ARHGEF7: variants seen among roughly 807,000 people sequenced by gnomAD.
ARHGEF7 encodes PAK-interacting exchange factor beta.
In ARHGEF7, 33 loss-of-function variants were observed where a neutral mutation model predicts 109.8. That is an observed-to-expected ratio of 0.30 (90% CI 0.23 to 0.40). ARHGEF7 has a LOEUF of 0.40. Among genes scored for constraint, ARHGEF7 ranks in the 10% least tolerant of loss-of-function variants. ARHGEF7 has a pLI of 1.00. For synonymous variants in ARHGEF7, 458 were observed against 424.6 expected (o/e 1.08, Z -0.97); for missense variants, 938 against 1,098.5 (o/e 0.85, Z 2.07).
Position 111,275,611 on chromosome 13 carries a change from A to G in ARHGEF7, c.1352A>G (p.Asp451Gly). ...GAAGCCATCCGGAACTGGGAGGGCG[A>G]TGACATTAAAACTCTGGGCAACGTC... is the stretch of plus-strand genomic sequence containing the variant. ...LTEAIRNWEG[D>G]DIKTLGNVTY... The change falls in exon 12 of 22, where the codon GAT (aspartate) becomes GGT (glycine). Residue 451 changes from aspartate (D) to glycine (G), a missense_variant. By Grantham distance (94) the Asp-to-Gly change is moderately conservative. Transcript: ENST00000646102. 1 of 1,614,214 alleles carries G rather than the reference A, an allele frequency of 6.2e-7. No homozygotes were observed. Among genetic ancestry groups the G allele is most frequent in the Non-Finnish European group, 8.5e-7 (1 of 1,180,040 alleles).
intron 8 of ARHGEF7, among the ~76,000 whole-genome samples, chr13:111,264,574 C>T (rs1318182548): frequency 1.3e-5 from 2 of 152,084 alleles, no homozygotes; most frequent in East Asian, 3.9e-4. Context: ...ATTCCCAGTC[C>T]GTGCAGGTAA....
intron 19 of ARHGEF7, chr13:111,293,512 A>G: frequency 1.0e-6 from 1 of 984,946 alleles, no homozygotes; most frequent in African/African-American, 1.7e-5. Context: ...ACTCAGACCA[A>G]TTTCTGCTTC....
rs1402627825 is a variant in ARHGEF7, at chr13:111,225,495, A to T, written c.670+7615A>T. Among the ~76,000 whole-genome samples, 5 of 146,832 alleles carry T rather than the reference A, an allele frequency of 3.4e-5. No homozygotes were observed. In the East Asian group the frequency reaches 9.9e-4, roughly 29 times the overall value. On this transcript the variant is annotated intron_variant, in intron 5 of 21. Coordinates refer to ENST00000646102, the MANE Select transcript of ARHGEF7 (RefSeq NM_001354046.2). Reference sequence around the variant, plus strand: ...TATAGGGCGTATCTCACTTTATTGCACTTTGCTTGTTTTTTTGTTTTTTTT... The same window carrying T: ...TATAGGGCGTATCTCACTTTATTGCTCTTTGCTTGTTTTTTTGTTTTTTTT...
chr13:111,262,664 C>T (rs150413827), intron 8 of ARHGEF7, among the ~76,000 whole-genome samples: 1,856 of 152,196 alleles, frequency 0.012, 16 homozygotes, highest in Non-Finnish European at 0.018. Context: ...AAACATGTTA[C>T]GGGGGAAACT....
chr13:111,174,935 G>T (rs897891737), intron 2 of ARHGEF7, among the ~76,000 whole-genome samples: 1 of 152,208 alleles, frequency 6.6e-6, no homozygotes, highest in African/African-American at 2.4e-5. Flanking sequence ...AAACCTAAAA[G>T]CTCCATCTGT....
At chr13:111,203,244 TA>T in intron 2 of ARHGEF7, 1 of 451,548 alleles carries the variant, frequency 2.2e-6, no homozygotes, top group Non-Finnish European at 3.4e-6. Context: ...ATCTCCTATT[TA>T]AAAATGTTAT....
chr13:111,205,644 A>G (rs1346410975), intron 3 of ARHGEF7, among the ~76,000 whole-genome samples: 1 of 152,022 alleles, frequency 6.6e-6, no homozygotes, highest in Non-Finnish European at 1.5e-5. Context: ...AAAAGTGTCT[A>G]GTTCTTATGG....
chr13:111,234,809 A>C, intron 6 of ARHGEF7, among the ~76,000 whole-genome samples: 1 of 149,858 alleles, frequency 6.7e-6, no homozygotes, highest in African/African-American at 2.5e-5. Flanking sequence ...AGAAGATCAG[A>C]CTCCTTTTAG....
intron 1 of ARHGEF7, among the ~76,000 whole-genome samples, chr13:111,153,178 A>T (rs3809340): frequency 0.68 from 103,124 of 152,266 alleles, 35,321 homozygotes; most frequent in East Asian, 0.84. Context: ...CCATGAGCCT[A>T]GGCTAGAAAG....
chr13:111,254,573 G>A (rs112798093), intron 8 of ARHGEF7, among the ~76,000 whole-genome samples: 2 of 141,130 alleles, frequency 1.4e-5, no homozygotes, highest in East Asian at 4.3e-4. Flanking sequence ...AGTCACTAAC[G>A]TGAAGGCTGG....
intron 13 of ARHGEF7, among the ~76,000 whole-genome samples, chr13:111,278,813 G>A (rs1247909529): frequency 1.3e-5 from 2 of 152,232 alleles, no homozygotes; most frequent in African/African-American, 4.8e-5. Context: ...GGAGGCAGGG[G>A]CCTTCTCTAA....
chr13:111,218,427 A>G (rs543815397), intron 5 of ARHGEF7, among the ~76,000 whole-genome samples: 1 of 152,092 alleles, frequency 6.6e-6, no homozygotes, highest in African/African-American at 2.4e-5. Context: ...GCACATGGCT[A>G]TGGCTGCCGG....
chr13:111,302,949 T>A, intron 21 of ARHGEF7, 42 bp from the exon 22 acceptor site: 6 of 1,609,690 alleles, frequency 3.7e-6, no homozygotes, highest in Non-Finnish European at 5.1e-6. Context: ...CCCTACGCGA[T>A]GCCAAAGATA....
In ARHGEF7 at chr13:111,235,496, A is replaced by C. The variant is rs115739521; in HGVS notation, c.759+2203A>C. Among the ~76,000 whole-genome samples, 529 of 152,354 alleles carry C rather than the reference A, an allele frequency of 3.5e-3. 5 individuals carry two copies. The highest frequency in any genetic ancestry group is 0.012 in the African/African-American group (508 of 41,588). ...GAATGATGGAAAACACCTTGACCTC[A>C]AAATCACATCTAAATTGTTTTCTAT... is the stretch of plus-strand genomic sequence containing the variant. On this transcript the variant is annotated intron_variant, in intron 6 of 21. Transcript: ENST00000646102.
rs1345808940 is a variant in ARHGEF7 at position 111,174,775 on chromosome 13, C to T, written c.252+20784C>T. Among the ~76,000 whole-genome samples the T allele has an allele frequency of 3.9e-5, 6 of 152,272 alleles. No homozygotes were observed. In the South Asian group the frequency reaches 8.3e-4, roughly 21 times the overall value. ...TCTGGTCCATCTGTACGCTGGGGGT[C>T]GTAAGCAGAAAGGAGAGGAAACACC... On this transcript the variant is annotated intron_variant, in intron 2 of 21. Transcript: ENST00000646102.
intron 1 of ARHGEF7, among the ~76,000 whole-genome samples, chr13:111,122,096 G>T (rs199857441): frequency 6.6e-6 from 1 of 152,224 alleles, no homozygotes; most frequent in East Asian, 1.9e-4. Flanking sequence ...GGGGCTGGCA[G>T]CCTCTGCATC....
chr13:111,176,920 C>T (rs1051174748), intron 2 of ARHGEF7, among the ~76,000 whole-genome samples: 4 of 152,204 alleles, frequency 2.6e-5, no homozygotes, highest in Non-Finnish European at 5.9e-5. Flanking sequence ...CCACGCCCCA[C>T]TAATTTTTGT....
At chr13:111,200,164 T>C (rs147664404) in intron 2 of ARHGEF7, among the ~76,000 whole-genome samples, 1,606 of 152,174 alleles carry the variant, frequency 0.011, 24 homozygotes, top group African/African-American at 0.037. Context: ...GGAGGGGTCC[T>C]TACCAGCCTT....
At chr13:111,157,973 C>CG (rs1470191329) in intron 2 of ARHGEF7, among the ~76,000 whole-genome samples, 3 of 152,176 alleles carry the variant, frequency 2.0e-5, no homozygotes, top group African/African-American at 4.8e-5. Context: ...AAAGCCATCA[C>CG]GCCTGTAACA....
Sources: gnomAD v4.1 joint callset for allele counts (sites outside exome capture counted in the v4.1 genomes callset) on GRCh38, gnomAD v4.1.1 for gene constraint, MANE v1.5 for transcripts, NCBI Gene and HGNC (gene_info 2026-07-23, HGNC 2026-07-21) for gene names.